The following CD101 variants were observed in gnomAD, a reference collection of about 807,000 sequenced individuals.
CD101 encodes immunoglobulin superfamily member 2.
A neutral mutation model predicts 98.2 loss-of-function variants in CD101; 76 were observed. The ratio of observed to expected loss-of-function variants is 0.77; its 90% CI spans 0.64 to 0.94. CD101 has a LOEUF of 0.94. Among genes scored for constraint, CD101 ranks in the 40% least tolerant of loss-of-function variants. The probability of loss-of-function intolerance (pLI) is 0.00; values close to 1 mark genes in which losing one functional copy is unlikely to be tolerated. For missense variants in CD101, 1,145 were observed against 1,218.8 expected (o/e 0.94, Z 0.90); for synonymous variants, 471 against 472.7 (o/e 1.00, Z 0.05).
chr1:117,023,427 C>CT lies in CD101; in HGVS notation c.2428+1453dup, dbSNP rs941475365. 5.2e-4 allele frequency among the ~76,000 whole-genome samples: 78 copies of CT among 151,164 alleles called. No homozygotes were observed. Among genetic ancestry groups the CT allele is most frequent in the African/African-American group, 1.1e-3 (46 of 41,254 alleles). On this transcript the variant is annotated intron_variant, in intron 7 of 9. Coordinates refer to ENST00000682167, the MANE Select transcript of CD101 (RefSeq NM_001256106.3). This position sits in a 1 kb window ranked among gnomAD's most constrained non-coding sequence, Gnocchi z 4.4. ...CACAACTAATTCACTTCTTCTTTTT[C>CT]TTTTTTTTTAGACGGAGTCTTGCTC...
chr1:117,029,204 A>AAAGAAAGAAAGAAAGAAAGAAAGAAGG (rs1553188315), intron 8 of CD101, among the ~76,000 whole-genome samples: 1 of 58,814 alleles, frequency 1.7e-5, no homozygotes, highest in East Asian at 4.1e-4. Context: ...AGAAAGAAAG[A>AAAGAAAGAAAGAAAGAAAGAAAGAAGG]AAAGAAAGAA....
intron 2 of CD101, among the ~76,000 whole-genome samples, chr1:117,011,288 T>C (rs1454062786): frequency 6.6e-6 from 1 of 152,158 alleles, no homozygotes; most frequent in Non-Finnish European, 1.5e-5. Context: ...AGTAGCTAAA[T>C]TGGTTATAGC....
intron 1 of CD101, among the ~76,000 whole-genome samples, chr1:117,003,710 G>A (rs1334148817): frequency 6.6e-6 from 1 of 152,190 alleles, no homozygotes; most frequent in Non-Finnish European, 1.5e-5. Flanking sequence ...GCTCAAAAAG[G>A]GGAAGCTGGA....
At chr1:117,014,446 G>A (rs950341979) in intron 4 of CD101, among the ~76,000 whole-genome samples, 1 of 152,066 alleles carries the variant, frequency 6.6e-6, no homozygotes, top group South Asian at 2.1e-4. Context: ...TCCATCCTCT[G>A]CATTTTGCTG....
chr1:117,003,647 CTT>C (rs1227011077), intron 1 of CD101, among the ~76,000 whole-genome samples: 1 of 152,138 alleles, frequency 6.6e-6, no homozygotes, highest in African/African-American at 2.4e-5. Flanking sequence ...AATTCTGTCT[CTT>C]TTTTTGGTAA....
At position 117,018,606 on chromosome 1, in the gene CD101, A is replaced by G; in HGVS notation, c.2017+46A>G. On this transcript the variant is annotated intron_variant, in intron 6 of 9. Coordinates refer to ENST00000682167, the MANE Select transcript of CD101 (RefSeq NM_001256106.3). The surrounding 1 kb of genome is among the most constrained non-coding windows in gnomAD (Gnocchi z 4.3). ...ATCCCTGTTTTAAAAACAAACAAAT[A>G]GCAATCCTCCCATTTTGGGTAAGTT... The G allele has an allele frequency of 6.6e-7, 1 of 1,504,368 alleles. No homozygotes were observed. The highest frequency in any genetic ancestry group is 1.3e-5 in the South Asian group (1 of 76,468). 93.2% of individuals were successfully genotyped at this position (1,504,368 alleles called of 1,614,324 possible).
chr1:117,018,592 A>G lies in CD101; in HGVS notation c.2017+32A>G. 6.5e-7 allele frequency: 1 copy of G among 1,528,994 alleles called. No individual in the cohort carries two copies. The highest frequency in any genetic ancestry group is 8.8e-7 in the Non-Finnish European group (1 of 1,137,208). 94.7% of individuals were successfully genotyped at this position (1,528,994 alleles called of 1,614,324 possible). On this transcript the variant is annotated intron_variant, in intron 6 of 9. Transcript: ENST00000682167. This position sits in a 1 kb window ranked among gnomAD's most constrained non-coding sequence, Gnocchi z 4.3. ...GTGACTTGAAATTAATCCCTGTTTT[A>G]AAAACAAACAAATAGCAATCCTCCC...
intron 7 of CD101, 156 bp from the exon 8 acceptor site, chr1:117,025,353 A>G: frequency 1.7e-6 from 1 of 595,078 alleles, no homozygotes. Flanking sequence ...ACAGAGCAAG[A>G]CTCTGTCTCA....
intron 1 of CD101, among the ~76,000 whole-genome samples, chr1:117,008,314 A>G (rs965603823): frequency 3.3e-5 from 5 of 151,984 alleles, no homozygotes; most frequent in African/African-American, 4.8e-5. Context: ...AAAATATAAA[A>G]CTTATCCAGG....
chr1:117,029,619 G>A (rs1311862903), intron 8 of CD101, among the ~76,000 whole-genome samples: 1 of 152,222 alleles, frequency 6.6e-6, no homozygotes, highest in East Asian at 1.9e-4. Flanking sequence ...CACAGTGCCT[G>A]GCACATAGGG....
chr1:117,005,804 C>G lies in CD101; in HGVS notation c.43+3944C>G, dbSNP rs1197541723. Among the ~76,000 whole-genome samples, 1 of 152,158 alleles carries G rather than the reference C, an allele frequency of 6.6e-6. No homozygotes were observed. The highest frequency in any genetic ancestry group is 1.5e-5 in the Non-Finnish European group (1 of 68,030). ...AGCCATGGATTTGGCATTTGCAGAT[C>G]TATTAATATGTTCAAGTCTGGCTCA... On this transcript the variant is annotated intron_variant, in intron 1 of 9. Transcript: ENST00000682167. The surrounding 1 kb of genome is among the most constrained non-coding windows in gnomAD (Gnocchi z 4.4).
intron 1 of CD101, among the ~76,000 whole-genome samples, chr1:117,008,999 T>G (rs1652713672): frequency 6.6e-6 from 1 of 152,216 alleles, no homozygotes; most frequent in Non-Finnish European, 1.5e-5. Flanking sequence ...TCATAGTAAG[T>G]AAAGATATGC....
chr1:117,022,116 C>A lies in CD101; in HGVS notation c.2428+133C>A. ...GTCATAGGAACAGTATCTACCTACA[C>A]ATGACTGCAAGACCGAGTAGTCCAC... On this transcript the variant is annotated intron_variant, in intron 7 of 9. Transcript: ENST00000682167. This position sits in a 1 kb window ranked among gnomAD's most constrained non-coding sequence, Gnocchi z 4.8. The A allele has an allele frequency of 1.0e-6, 1 of 1,001,770 alleles. No individual in the cohort carries two copies. The highest frequency in any genetic ancestry group is 1.5e-6 in the Non-Finnish European group (1 of 684,996). 62.1% of individuals were successfully genotyped at this position (1,001,770 alleles called of 1,614,324 possible). A position where few individuals can be genotyped will look rare whatever the true frequency, so the allele number is the denominator to read the frequency against.
intron 7 of CD101, among the ~76,000 whole-genome samples, chr1:117,025,024 T>C (rs907687904): frequency 6.6e-6 from 1 of 152,162 alleles, no homozygotes; most frequent in Non-Finnish European, 1.5e-5. Flanking sequence ...TAGCAGAGAA[T>C]GTCCTGGCAA....
chr1:117,009,398 C>T (rs985158392), intron 1 of CD101, among the ~76,000 whole-genome samples: 11 of 152,266 alleles, frequency 7.2e-5, no homozygotes, highest in Admixed American at 1.3e-4. Flanking sequence ...AATCATGGCA[C>T]CAAGGGCAGA....
intron 8 of CD101, among the ~76,000 whole-genome samples, chr1:117,029,301 TGAAA>T (rs1331288593): frequency 1.1e-4 from 15 of 133,428 alleles, no homozygotes; most frequent in Non-Finnish European, 2.3e-4. Context: ...GTCCAACATC[TGAAA>T]GAAAGAAAGA....
chr1:117,003,631 A>T (rs1476989544), intron 1 of CD101, among the ~76,000 whole-genome samples: 1 of 152,204 alleles, frequency 6.6e-6, no homozygotes, highest in Non-Finnish European at 1.5e-5. Context: ...AATTCATAGA[A>T]TTGCAAATTC....
In CD101 at chr1:117,012,386, TGA is replaced by T. The variant is rs542930196; in HGVS notation, c.841+424_841+425del. On this transcript the variant is annotated intron_variant, in intron 3 of 9. Coordinates refer to ENST00000682167, the MANE Select transcript of CD101 (RefSeq NM_001256106.3). The surrounding 1 kb of genome is among the most constrained non-coding windows in gnomAD (Gnocchi z 4.0). ...GCGCTGCCTAAGCCCACCCAGCTGG[TGA>T]GAGTGGGGCTGGCATTCAAAGGGAG... Among the ~76,000 whole-genome samples, 10 of 152,046 alleles carry T rather than the reference TGA, an allele frequency of 6.6e-5. No individual in the cohort carries two copies. Among genetic ancestry groups the T allele is most frequent in the Non-Finnish European group, 1.5e-4 (10 of 68,010 alleles).
At position 117,006,860 on chromosome 1, in the gene CD101, C is replaced by T. The variant is rs999068402; in HGVS notation, c.44-2990C>T. ...AATTCATCTTCATATCTTAGTCCCTCAAGCATGAGAAATACTATAAGTGGT... is the reference window on the plus strand; with the variant it reads ...AATTCATCTTCATATCTTAGTCCCTTAAGCATGAGAAATACTATAAGTGGT... On this transcript the variant is annotated intron_variant, in intron 1 of 9. Transcript: ENST00000682167. This position sits in a 1 kb window ranked among gnomAD's most constrained non-coding sequence, Gnocchi z 4.4. Among the ~76,000 whole-genome samples, 1 of 152,124 alleles carries T rather than the reference C, an allele frequency of 6.6e-6. No homozygotes were observed. The highest frequency in any genetic ancestry group is 6.5e-5 in the Admixed American group (1 of 15,272).
Sources: allele counts gnomAD v4.1 joint callset (sites outside exome capture counted in the v4.1 genomes callset), GRCh38; gene constraint gnomAD v4.1.1; non-coding constraint Gnocchi (gnomAD v3.1); transcripts MANE v1.5; gene names NCBI Gene and HGNC (gene_info 2026-07-23, HGNC 2026-07-21).